The following SGCZ variants were observed in gnomAD, a reference collection of about 807,000 sequenced individuals.
The protein encoded by SGCZ is zeta-sarcoglycan.
A neutral mutation model predicts 41.3 loss-of-function variants in SGCZ; 40 were observed. That is an observed-to-expected ratio of 0.97 (90% CI 0.75 to 1.26). SGCZ has a LOEUF of 1.26. SGCZ is among the 50% of genes most tolerant of loss of function. SGCZ has a pLI of 0.00. For synonymous variants in SGCZ, 206 were observed against 137.5 expected, an observed-to-expected ratio of 1.50 and a Z score of -3.49; for missense variants, 552 against 369.8, an observed-to-expected ratio of 1.49 and a Z score of -4.04.
intron 1 of SGCZ, among the ~76,000 whole-genome samples, chr8:15,003,214 G>C (rs73203388): frequency 6.6e-6 from 1 of 152,270 alleles, no homozygotes; most frequent in Non-Finnish European, 1.5e-5. Flanking sequence ...GAAGGAAAAT[G>C]GAGAGCAGAG....
At chr8:14,262,047 A>G (rs1799687003) in intron 3 of SGCZ, among the ~76,000 whole-genome samples, 1 of 152,214 alleles carries the variant, frequency 6.6e-6, no homozygotes, top group South Asian at 2.1e-4. Context: ...CAGAGGATAC[A>G]GTATAGTTTT....
chr8:15,195,548 T>C (rs1191842576), intron 1 of SGCZ, among the ~76,000 whole-genome samples: 1 of 152,176 alleles, frequency 6.6e-6, no homozygotes, highest in Non-Finnish European at 1.5e-5. Flanking sequence ...TCTTTCACAA[T>C]GCTAAAATGA....
In SGCZ at chr8:14,201,216, G is replaced by C. The variant is rs1421635443; in HGVS notation, c.424+36376C>G. ...AGCACTCTGAATAACATTTTGAAAT[G>C]TTCTAATATGAATAAACCTACACTT... On this transcript the variant is annotated intron_variant, in intron 4 of 7. Transcript: ENST00000382080. Among the ~76,000 whole-genome samples the C allele has an allele frequency of 2.6e-5, 4 of 152,178 alleles. No homozygotes were observed. In the South Asian group the frequency reaches 8.3e-4, roughly 32 times the overall value.
At chr8:14,149,371 C>T (rs1803625117) in intron 5 of SGCZ, among the ~76,000 whole-genome samples, 2 of 152,024 alleles carry the variant, frequency 1.3e-5, no homozygotes, top group Admixed American at 6.6e-5. Context: ...AGTAGCATTT[C>T]TATATGCCAA....
chr8:14,283,905 T>C (rs577568177), intron 3 of SGCZ, among the ~76,000 whole-genome samples: 1 of 152,250 alleles, frequency 6.6e-6, no homozygotes, highest in Non-Finnish European at 1.5e-5. Context: ...AAGAAACTTT[T>C]GTAGAATTTG....
chr8:14,201,150 C>G (rs1044652381), intron 4 of SGCZ, among the ~76,000 whole-genome samples: 1 of 152,018 alleles, frequency 6.6e-6, no homozygotes, highest in South Asian at 2.1e-4. Flanking sequence ...TAGAATGAAG[C>G]GAAATGCTCA....
chr8:15,080,291 A>G (rs1343244795), intron 1 of SGCZ, among the ~76,000 whole-genome samples: 1 of 151,842 alleles, frequency 6.6e-6, no homozygotes, highest in Admixed American at 6.6e-5. Context: ...ATGCCTGGCC[A>G]CTTTGCATCC....
At chr8:15,036,201 A>C (rs1803867393) in intron 1 of SGCZ, among the ~76,000 whole-genome samples, 1 of 152,158 alleles carries the variant, frequency 6.6e-6, no homozygotes, top group African/African-American at 2.4e-5. Flanking sequence ...ACATTAAACT[A>C]GGATACATAA....
At chr8:15,119,597 G>A (rs770065682) in intron 1 of SGCZ, among the ~76,000 whole-genome samples, 14 of 147,874 alleles carry the variant, frequency 9.5e-5, no homozygotes, top group Non-Finnish European at 1.5e-4. Flanking sequence ...TCATAAAATC[G>A]GGTCAGAGTG....
At chr8:14,328,991 G>C (rs944666721) in intron 2 of SGCZ, among the ~76,000 whole-genome samples, 1 of 152,142 alleles carries the variant, frequency 6.6e-6, no homozygotes, top group African/African-American at 2.4e-5. Context: ...GCCTTCATCA[G>C]ACAACACAAC....
At chr8:14,451,076 T>C (rs971578813) in intron 2 of SGCZ, among the ~76,000 whole-genome samples, 1 of 152,164 alleles carries the variant, frequency 6.6e-6, no homozygotes, top group Non-Finnish European at 1.5e-5. Flanking sequence ...CAAAACCAGT[T>C]AGCAATTTCA....
intron 1 of SGCZ, among the ~76,000 whole-genome samples, chr8:14,697,956 T>C (rs1372105102): frequency 6.6e-6 from 1 of 152,052 alleles, no homozygotes; most frequent in Non-Finnish European, 1.5e-5. Flanking sequence ...CAAACATATG[T>C]TTCAACCACT....
chr8:14,588,159 TATG>T (rs1468333361), intron 1 of SGCZ, among the ~76,000 whole-genome samples: 3 of 149,956 alleles, frequency 2.0e-5, no homozygotes, highest in African/African-American at 7.4e-5. Flanking sequence ...CAAATTAGAA[TATG>T]ATAAAATTTT....
intron 1 of SGCZ, among the ~76,000 whole-genome samples, chr8:15,090,492 C>T (rs1399351794): frequency 6.6e-6 from 1 of 152,174 alleles, no homozygotes; most frequent in Non-Finnish European, 1.5e-5. Context: ...GCCCATAGGG[C>T]TGCACCCAGG....
At chr8:14,719,779 T>G (rs10091341) in intron 1 of SGCZ, among the ~76,000 whole-genome samples, 22 of 151,514 alleles carry the variant, frequency 1.5e-4, no homozygotes, top group African/African-American at 3.2e-4. Flanking sequence ...AGTAGGTTGC[T>G]AAAATTTTCT....
At chr8:14,821,817 C>A (rs1802098459) in intron 1 of SGCZ, among the ~76,000 whole-genome samples, 1 of 151,910 alleles carries the variant, frequency 6.6e-6, no homozygotes, top group Non-Finnish European at 1.5e-5. Flanking sequence ...GCAAATAACA[C>A]AATAAAGGCC....
intron 2 of SGCZ, among the ~76,000 whole-genome samples, chr8:14,540,588 G>T (rs13275871): frequency 0.21 from 31,255 of 151,442 alleles, 3,542 homozygotes; most frequent in African/African-American, 0.3. Context: ...TCCAAAAATA[G>T]CTATATTTTA....
chr8:14,655,060 T>C (rs769273673), intron 1 of SGCZ, among the ~76,000 whole-genome samples: 25 of 152,060 alleles, frequency 1.6e-4, no homozygotes, highest in Non-Finnish European at 2.4e-4. Context: ...CCAGAGCAAT[T>C]TTGGGTTCTT....
At chr8:14,162,308 A>C (rs971178113) in intron 5 of SGCZ, among the ~76,000 whole-genome samples, 1 of 152,248 alleles carries the variant, frequency 6.6e-6, no homozygotes, top group African/African-American at 2.4e-5. Context: ...GGATTAAATA[A>C]ATTTTTGATA....
Sources: allele counts gnomAD v4.1 joint callset (sites outside exome capture counted in the v4.1 genomes callset), GRCh38; gene constraint gnomAD v4.1.1; transcripts MANE v1.5; gene names NCBI Gene and HGNC (gene_info 2026-07-23, HGNC 2026-07-21).